Variants in ADGRV1 observed in about 807,000 individuals in gnomAD.
ADGRV1 encodes the protein G-protein coupled receptor 98.
In ADGRV1, 359 loss-of-function variants were observed where a neutral mutation model predicts 596.2. The ratio of observed to expected loss-of-function variants is 0.60; its 90% CI spans 0.55 to 0.66. The LOEUF (loss-of-function observed/expected upper bound fraction) is 0.66. Ranked by LOEUF, ADGRV1 falls within the 30% of genes least tolerant of loss-of-function variation. ADGRV1 has a pLI of 0.00. For missense variants in ADGRV1, 7,274 were observed against 7,575.6 expected (o/e 0.96, Z 1.48); for synonymous variants, 2,681 against 2,679.2 (o/e 1.00, Z -0.02).
intron 86 of ADGRV1, among the ~76,000 whole-genome samples, chr5:91,093,389 T>C (rs1790550431): frequency 6.6e-6 from 1 of 152,238 alleles, no homozygotes; most frequent in Admixed American, 6.5e-5. Context: ...TTCTTGTACT[T>C]TCGAAGTCCA....
chr5:90,858,964 G>T (rs1244103407), intron 82 of ADGRV1, among the ~76,000 whole-genome samples: 3 of 152,160 alleles, frequency 2.0e-5, no homozygotes, highest in Non-Finnish European at 4.4e-5. Context: ...TTTCCCTTGT[G>T]TCTTTTTGAT....
In ADGRV1 at chr5:90,753,823, C is replaced by A. The variant is rs1327121129; in HGVS notation, c.11371C>A (p.Pro3791Thr). 1.3e-6 allele frequency: 2 copies of A among 1,599,280 alleles called. No homozygotes were observed. The highest frequency in any genetic ancestry group is 1.7e-6 in the Non-Finnish European group (2 of 1,171,968). Residue 3791 changes from proline (P) to threonine (T), a missense_variant, in exon 54 of 90, where the codon CCT becomes ACT. Around this residue, in one of 5 missense-constraint regions of ADGRV1, gnomAD observed 3,643 missense variants for 3,809.2 expected, o/e 0.96. Transcript: ENST00000405460. The part of the protein sequence containing the change: ...AASVFIRVAE[P>T]KENTTTLQLQ... ...GTCTGTCTTCATTAGAGTAGCAGAG[C>A]CTAAAGGTAAATATTGTTAAATATC...
At chr5:90,805,968 A>G (rs1241703555) in intron 72 of ADGRV1, among the ~76,000 whole-genome samples, 2 of 152,178 alleles carry the variant, frequency 1.3e-5, no homozygotes, top group East Asian at 3.9e-4. Context: ...ATGAGAGTTT[A>G]TAAAGAACCC....
At chr5:90,687,663 G>C (rs918871547) in intron 29 of ADGRV1, among the ~76,000 whole-genome samples, 1 of 152,028 alleles carries the variant, frequency 6.6e-6, no homozygotes, top group Non-Finnish European at 1.5e-5. Context: ...TTGTCTCAGC[G>C]CAAAATCTCC....
In ADGRV1 at chr5:90,918,737, A is replaced by G. The variant is rs1314718450; in HGVS notation, c.17857-46678A>G. Among the ~76,000 whole-genome samples the G allele has an allele frequency of 2.6e-5, 4 of 152,278 alleles. No individual in the cohort carries two copies. In the South Asian group the frequency reaches 8.3e-4, roughly 32 times the overall value. The stretch of plus-strand genomic sequence containing the variant: ...ATGATAGGCTTTCTTCCTCCCATGT[A>G]TATTTACTCCACAATGATTATTTAA... On this transcript the variant is annotated intron_variant, in intron 83 of 89. Coordinates refer to ENST00000405460, the MANE Select transcript of ADGRV1 (RefSeq NM_032119.4).
In ADGRV1 at chr5:91,099,773, A is replaced by G. The variant is rs56380505; in HGVS notation, c.18311-2446A>G. On this transcript the variant is annotated intron_variant, in intron 86 of 89. Transcript: ENST00000405460. ...AAATATGGAAAGGGAGAAAACTGGA[A>G]TTAACCCCGTGATGTTGGGTTGGAA... 6.5e-3 allele frequency among the ~76,000 whole-genome samples: 990 copies of G among 152,320 alleles called. 13 individuals carry two copies. The highest frequency in any genetic ancestry group is 0.022 in the African/African-American group (930 of 41,572).
intron 75 of ADGRV1, 92 bp from the exon 76 acceptor site, chr5:90,823,333 T>C: frequency 7.8e-7 from 1 of 1,281,500 alleles, no homozygotes; most frequent in Non-Finnish European, 1.1e-6. Context: ...TGGTATACTT[T>C]GGATGAAGAG....
chr5:90,658,018 C>T lies in ADGRV1; in HGVS notation c.4492C>T (p.Leu1498Phe). 1.9e-6 allele frequency: 3 copies of T among 1,613,958 alleles called. No homozygotes were observed. The highest frequency in any genetic ancestry group is 2.5e-6 in the Non-Finnish European group (3 of 1,179,870). The change falls in exon 21 of 90, where the codon CTT (leucine) becomes TTT (phenylalanine). Residue 1498 changes from leucine (L) to phenylalanine (F), a missense_variant. Leu to Phe is a conservative substitution (Grantham distance 22). Coordinates refer to ENST00000405460, the MANE Select transcript of ADGRV1 (RefSeq NM_032119.4). Reference sequence around the variant, plus strand: ...ACTGACGCTTGAAGAAATTTATGAACTTCATGCCATGCCCGCAAAAAGTGA... The same window carrying T: ...ACTGACGCTTGAAGAAATTTATGAATTTCATGCCATGCCCGCAAAAAGTGA... ...RKLTLEEIYE[L>F]HAMPAKSDLH...
intron 50 of ADGRV1, among the ~76,000 whole-genome samples, chr5:90,730,477 A>G (rs532731248): frequency 6.6e-6 from 1 of 152,320 alleles, no homozygotes; most frequent in Admixed American, 6.5e-5. Context: ...GAGAATGACT[A>G]TGAGAATTCT....
At chr5:90,784,135 G>A (rs1759172292) in intron 67 of ADGRV1, 78 bp downstream of exon 67, 2 of 900,102 alleles carry the variant, frequency 2.2e-6, no homozygotes, top group South Asian at 1.9e-5. Context: ...CATTGCCCAA[G>A]TATATTTCTT....
At chr5:90,611,720 G>A (rs759658098) in intron 1 of ADGRV1, among the ~76,000 whole-genome samples, 1 of 151,856 alleles carries the variant, frequency 6.6e-6, no homozygotes, top group Admixed American at 6.6e-5. Context: ...GTTAAATCTA[G>A]TAAGAGAAAA....
chr5:90,728,717 G>T lies in ADGRV1; in HGVS notation c.10210G>T (p.Val3404Phe). ...GSFVLHQKLP[V>F]RGVLTVALFN... ...CTTCGTGTTGCATCAAAAACTCCCT[G>T]TCCGAGGTGTGCTGACCGTGGCCTT... The change falls in exon 49 of 90, where the codon GTC (valine) becomes TTC (phenylalanine). Residue 3404 changes from valine (V) to phenylalanine (F), a missense_variant. By Grantham distance (50) the Val-to-Phe change is conservative. Transcript: ENST00000405460. 6.2e-7 allele frequency: 1 copy of T among 1,613,764 alleles called. No homozygotes were observed. Among genetic ancestry groups the T allele is most frequent in the Non-Finnish European group, 8.5e-7 (1 of 1,179,734 alleles).
At chr5:90,821,725 C>T (rs184173874) in intron 75 of ADGRV1, among the ~76,000 whole-genome samples, 2 of 151,336 alleles carry the variant, frequency 1.3e-5, no homozygotes, top group Admixed American at 6.6e-5. Flanking sequence ...AGTTAGGCTG[C>T]TTCGGGGTCA....
At chr5:91,116,715 T>C (rs1792878302) in intron 87 of ADGRV1, among the ~76,000 whole-genome samples, 1 of 152,206 alleles carries the variant, frequency 6.6e-6, no homozygotes, top group Non-Finnish European at 1.5e-5. Context: ...CTGCCTGTTA[T>C]ATTTGTCCTT....
chr5:90,646,000 C>CCTA lies in ADGRV1; in HGVS notation c.2934_2936dup (p.Leu979dup), dbSNP rs1357491354. On this transcript the variant is annotated inframe_insertion, in exon 16 of 90. Coordinates refer to ENST00000405460, the MANE Select transcript of ADGRV1 (RefSeq NM_032119.4). ...AAGAAATGGAAGAATTTACCGTTATCCTACTGAATGGCACTGGAGGAGCTA... is the reference window on the plus strand; with the variant it reads ...AAGAAATGGAAGAATTTACCGTTATCCTACTACTGAATGGCACTGGAGGAGCTA... The CCTA allele has an allele frequency of 6.2e-7, 1 of 1,602,898 alleles. No homozygotes were observed. Among genetic ancestry groups the CCTA allele is most frequent in the Non-Finnish European group, 8.5e-7 (1 of 1,174,004 alleles).
intron 85 of ADGRV1, among the ~76,000 whole-genome samples, chr5:91,063,740 G>T (rs988104860): frequency 1.3e-5 from 2 of 152,154 alleles, no homozygotes; most frequent in Non-Finnish European, 2.9e-5. Flanking sequence ...ATTAAATGAG[G>T]CTGGCAGTGA....
intron 1 of ADGRV1, among the ~76,000 whole-genome samples, chr5:90,569,541 T>C (rs1367152731): frequency 6.6e-6 from 1 of 150,664 alleles, no homozygotes; most frequent in African/African-American, 2.4e-5. Flanking sequence ...GAGTATTTAA[T>C]CCAGTAATAT....
chr5:90,595,039 C>T (rs1464804156), intron 1 of ADGRV1, among the ~76,000 whole-genome samples: 21 of 144,716 alleles, frequency 1.5e-4, no homozygotes, highest in African/African-American at 5.4e-4. Flanking sequence ...CAGAGGGGCT[C>T]CTCACTTCCC....
At chr5:90,627,915 A>AAAACAC in intron 7 of ADGRV1, 139 bp downstream of exon 7, 2 of 317,606 alleles carry the variant, frequency 6.3e-6, no homozygotes, top group South Asian at 1.1e-4. Flanking sequence ...AAACTCAGAA[A>AAAACAC]AGACACACAC....
Sources: allele counts gnomAD v4.1 joint callset (sites outside exome capture counted in the v4.1 genomes callset), GRCh38; gene constraint gnomAD v4.1.1; regional missense constraint gnomAD v4.1.1; transcripts MANE v1.5; gene names NCBI Gene and HGNC (gene_info 2026-07-23, HGNC 2026-07-21).